The following USP53 variants were observed in gnomAD, a reference collection of about 807,000 sequenced individuals.
USP53 encodes ubiquitin specific peptidase 53.
Under a neutral mutation model 94.9 loss-of-function variants are expected in USP53, and 71 were observed. The observed-to-expected ratio is 0.75, with a 90% CI of 0.62 to 0.91. The LOEUF (loss-of-function observed/expected upper bound fraction) is 0.91, where lower values mean the gene tolerates loss of function less well. Among genes scored for constraint, USP53 ranks in the 40% least tolerant of loss-of-function variants. The pLI is 0.00. For synonymous variants in USP53, 375 were observed against 422.7 expected (o/e 0.89, Z 1.39); for missense variants, 1,173 against 1,281.0 (o/e 0.92, Z 1.29).
chr4:119,292,809 C>A lies in USP53; in HGVS notation c.2820C>A (p.Ser940Arg). 1.2e-6 allele frequency: 2 copies of A among 1,610,694 alleles called. No individual in the cohort carries two copies. The highest frequency in any genetic ancestry group is 2.2e-5 in the South Asian group (2 of 90,916). The change falls in exon 19 of 19, where the codon AGC becomes AGA. Residue 940 changes from serine to arginine, a missense_variant. Transcript: ENST00000692078. ...AITSVPQSEKSESTPDVKLTE... is the reference protein window; with the variant it reads ...AITSVPQSEKRESTPDVKLTE... Reference sequence around the variant, plus strand: ...CCAGTGTGCCACAGTCAGAGAAAAGCGAATCTACACCTGATGTCAAACTTA... The same window carrying A: ...CCAGTGTGCCACAGTCAGAGAAAAGAGAATCTACACCTGATGTCAAACTTA...
chr4:119,273,289 G>A (rs915230599), intron 16 of USP53: 41 of 158,668 alleles, frequency 2.6e-4, no homozygotes, highest in East Asian at 1.0e-3. Flanking sequence ...ACTCCATCCT[G>A]GGCAAAAGAG....
At chr4:119,229,433 A>G (rs1474792165) in intron 3 of USP53, among the ~76,000 whole-genome samples, 2 of 152,146 alleles carry the variant, frequency 1.3e-5, no homozygotes, top group African/African-American at 4.8e-5. Flanking sequence ...CTAAATATTT[A>G]CTGGGTCTCT....
At chr4:119,267,507 C>G in intron 13 of USP53, 25 bp downstream of exon 13, 4 of 1,595,534 alleles carry the variant, frequency 2.5e-6, no homozygotes, top group Non-Finnish European at 3.4e-6. Context: ...TAAAAATTCT[C>G]AATGTTTTTC....
chr4:119,281,430 C>G (rs538111381), intron 17 of USP53, among the ~76,000 whole-genome samples: 1 of 152,126 alleles, frequency 6.6e-6, no homozygotes, highest in Admixed American at 6.5e-5. Context: ...AGTTTGCAGA[C>G]AAAGAATGTG....
rs750664906 is a variant in USP53 at position 119,256,310 on chromosome 4, C to G, written c.437C>G (p.Ser146Cys). 6 of 1,613,954 alleles carry G rather than the reference C, an allele frequency of 3.7e-6. No homozygotes were observed. The highest frequency in any genetic ancestry group is 5.1e-6 in the Non-Finnish European group (6 of 1,179,970). ...VPSRDADMCT[S>C]KSCITHQKFA... ...AGCAGAGATGCAGACATGTGTACCTCTAAATCTTGTATCACTCACCAGAAG... is the reference window on the plus strand; with the variant it reads ...AGCAGAGATGCAGACATGTGTACCTGTAAATCTTGTATCACTCACCAGAAG... Residue 146 changes from serine to cysteine, a missense_variant, in exon 8 of 19, where the codon TCT (serine) becomes TGT (cysteine). Transcript: ENST00000692078.
chr4:119,272,105 G>A, intron 16 of USP53, 71 bp downstream of exon 16: 1 of 1,482,446 alleles, frequency 6.7e-7, no homozygotes, highest in South Asian at 1.4e-5. Flanking sequence ...AGTAATTTTT[G>A]AAGTTTGGGG....
intron 6 of USP53, among the ~76,000 whole-genome samples, chr4:119,248,470 T>C (rs552868342): frequency 6.6e-6 from 1 of 150,396 alleles, no homozygotes; most frequent in East Asian, 2.0e-4. Flanking sequence ...GGGTATCTCT[T>C]GTCTGAAATG....
intron 17 of USP53, among the ~76,000 whole-genome samples, chr4:119,276,528 A>C (rs1752667850): frequency 6.6e-6 from 1 of 151,386 alleles, no homozygotes; most frequent in South Asian, 2.1e-4. Flanking sequence ...TTTTAGCATC[A>C]ATGTTCATCA....
intron 5 of USP53, among the ~76,000 whole-genome samples, chr4:119,243,446 C>G (rs546804135): frequency 5.8e-4 from 88 of 151,932 alleles, no homozygotes; most frequent in Non-Finnish European, 8.1e-4. Context: ...TGCAGTGAGC[C>G]AAGATAGCAC....
At chr4:119,231,331 A>T (rs943454816) in intron 3 of USP53, among the ~76,000 whole-genome samples, 2 of 152,154 alleles carry the variant, frequency 1.3e-5, no homozygotes, top group African/African-American at 4.8e-5. Context: ...ATGTACTTTT[A>T]TTTCTGGAGT....
chr4:119,289,910 G>A (rs550017940), intron 17 of USP53, among the ~76,000 whole-genome samples: 1 of 152,094 alleles, frequency 6.6e-6, no homozygotes, highest in South Asian at 2.1e-4. Flanking sequence ...TTAGTTTTCA[G>A]GGTTTTGTTT....
rs377270268 is a variant in USP53, at chr4:119,271,839, G to C, written c.1979G>C (p.Gly660Ala). ...IGSRSSLESN[G>A]KGAEKNKGLV... is the part of the protein sequence containing the mutation. ...AGCAGAAGTTCCCTTGAATCTAATG[G>C]AAAAGGAGCAGAGAAAAATAAAGGC... Residue 660 changes from glycine (G) to alanine (A), a missense_variant, in exon 16 of 19, where the codon GGA (glycine) becomes GCA (alanine). Coordinates refer to ENST00000692078, the MANE Select transcript of USP53 (RefSeq NM_001371395.1). The C allele has an allele frequency of 1.1e-4, 183 of 1,613,060 alleles. No individual in the cohort carries two copies. Among genetic ancestry groups the C allele is most frequent in the Non-Finnish European group, 1.4e-4 (170 of 1,179,832 alleles).
chr4:119,229,023 A>G (rs1745696422), intron 3 of USP53, among the ~76,000 whole-genome samples: 1 of 152,168 alleles, frequency 6.6e-6, no homozygotes, highest in Non-Finnish European at 1.5e-5. Flanking sequence ...TTAGAGTTAG[A>G]TTCCCTCTAC....
chr4:119,292,850 C>G lies in USP53; in HGVS notation c.2861C>G (p.Ala954Gly). Residue 954 changes from alanine (A) to glycine (G), a missense_variant, in exon 19 of 19, where the codon GCT (alanine) becomes GGT (glycine). Coordinates refer to ENST00000692078, the MANE Select transcript of USP53 (RefSeq NM_001371395.1). ...GTCAAACTTACAGAGGTGTTTAAAG[C>G]TACCTCTCATCTTCCGAAGCACAGT... ...PDVKLTEVFK[A>G]TSHLPKHSLS... The G allele has an allele frequency of 1.2e-6, 2 of 1,614,078 alleles. No individual in the cohort carries two copies. Among genetic ancestry groups the G allele is most frequent in the Non-Finnish European group, 1.7e-6 (2 of 1,179,972 alleles).
At chr4:119,267,697 G>C (rs1338421146) in intron 13 of USP53, among the ~76,000 whole-genome samples, 1 of 152,090 alleles carries the variant, frequency 6.6e-6, no homozygotes, top group African/African-American at 2.4e-5. Flanking sequence ...CACTATTATG[G>C]TCACACAATC....
At chr4:119,232,477 T>C (rs1174625514) in intron 3 of USP53, among the ~76,000 whole-genome samples, 1 of 152,224 alleles carries the variant, frequency 6.6e-6, no homozygotes, top group Non-Finnish European at 1.5e-5. Context: ...ACTTCCTTTT[T>C]ATGGCTGAAT....
intron 2 of USP53, among the ~76,000 whole-genome samples, chr4:119,214,660 G>T (rs1578393887): frequency 6.7e-6 from 1 of 149,194 alleles, no homozygotes; most frequent in Non-Finnish European, 1.5e-5. Context: ...CCTGCCATAT[G>T]TGCTGTGATT....
At chr4:119,272,229 G>A in intron 16 of USP53, 195 bp downstream of exon 16, 1 of 445,598 alleles carries the variant, frequency 2.2e-6, no homozygotes, top group Non-Finnish European at 3.7e-6. Flanking sequence ...TAGTTTATTT[G>A]ATATTTTAGA....
At chr4:119,263,185 A>G (rs1278866086) in intron 12 of USP53, among the ~76,000 whole-genome samples, 1 of 152,216 alleles carries the variant, frequency 6.6e-6, no homozygotes, top group Non-Finnish European at 1.5e-5. Context: ...TAACTGCTAT[A>G]GAAATAGCCA....
Sources: gnomAD v4.1 joint callset for allele counts (sites outside exome capture counted in the v4.1 genomes callset) on GRCh38, gnomAD v4.1.1 for gene constraint, MANE v1.5 for transcripts, NCBI Gene and HGNC (gene_info 2026-07-23, HGNC 2026-07-21) for gene names.